INPP5A: variants seen among roughly 807,000 people sequenced by gnomAD.
INPP5A encodes 43 kDa inositol polyphosphate 5-phophatase.
A neutral mutation model predicts 65.2 loss-of-function variants in INPP5A; 14 were observed. The ratio of observed to expected loss-of-function variants is 0.21; its 90% confidence interval spans 0.14 to 0.34. The LOEUF (loss-of-function observed/expected upper bound fraction) is 0.34, where lower values mean the gene tolerates loss of function less well. INPP5A is among the 10% of genes least tolerant of loss of function. The probability of loss-of-function intolerance (pLI) is 1.00; values close to 1 mark genes in which losing one functional copy is unlikely to be tolerated. For synonymous variants in INPP5A, 207 were observed against 208.3 expected (o/e 0.99, Z 0.05); for missense variants, 431 against 545.6 (o/e 0.79, Z 2.09).
intron 8 of INPP5A, among the ~76,000 whole-genome samples, chr10:132,713,793 C>T (rs1448137651): frequency 1.3e-5 from 2 of 152,168 alleles, no homozygotes; most frequent in Admixed American, 6.5e-5. Flanking sequence ...GCACTGACAC[C>T]GAGGCAGGGA....
chr10:132,781,830 G>C (rs752717945), intron 14 of INPP5A, 31 bp from the exon 15 acceptor site: 1 of 1,594,564 alleles, frequency 6.3e-7, no homozygotes, highest in South Asian at 1.1e-5. Context: ...CGCGTGCGCC[G>C]TGCTGACACC....
At chr10:132,763,546 T>C (rs190569618) in intron 11 of INPP5A, among the ~76,000 whole-genome samples, 85 of 151,376 alleles carry the variant, frequency 5.6e-4, no homozygotes, top group African/African-American at 1.7e-3. Context: ...CACACACACA[T>C]AAACATGTGC....
intron 4 of INPP5A, among the ~76,000 whole-genome samples, chr10:132,655,127 G>A (rs1231605206): frequency 2.0e-5 from 3 of 152,328 alleles, no homozygotes; most frequent in East Asian, 3.9e-4. Flanking sequence ...CGAGCTCTGC[G>A]CCCGCATGGA....
intron 8 of INPP5A, among the ~76,000 whole-genome samples, chr10:132,713,954 A>G (rs2134542110): frequency 6.6e-6 from 1 of 152,236 alleles, no homozygotes; most frequent in Non-Finnish European, 1.5e-5. Context: ...TCAGTCGCCC[A>G]GGGAGAAGGG....
rs1430517857 is a variant in INPP5A, at chr10:132,783,261, G to A, written c.*1232G>A. 6.6e-6 allele frequency: 1 copy of A among 152,298 alleles called. No homozygotes were observed. Among genetic ancestry groups the A allele is most frequent in the African/African-American group, 2.4e-5 (1 of 41,420 alleles). 9.4% of individuals were successfully genotyped at this position (152,298 alleles called of 1,614,324 possible). On this transcript the variant is annotated 3_prime_UTR_variant, in exon 16 of 16. Transcript: ENST00000368594. Reference sequence around the variant, plus strand: ...CCTGGACCGGGTGAAGGCATTAGCTGGGTGTTTGTGTGGGATAAATACTAC... The same window carrying A: ...CCTGGACCGGGTGAAGGCATTAGCTAGGTGTTTGTGTGGGATAAATACTAC...
rs1277394085 is a variant in INPP5A, at chr10:132,637,675, T to A, written c.118-8193T>A. Among the ~76,000 whole-genome samples the A allele has an allele frequency of 6.6e-6, 1 of 152,234 alleles. No individual in the cohort carries two copies. The highest frequency in any genetic ancestry group is 1.9e-4 in the East Asian group (1 of 5,198). ...GTCCTCCTCTGTCATGACTGTTCTG[T>A]GCTTTGCCTTTGCCGCCCCCGAGGT... On this transcript the variant is annotated intron_variant, in intron 2 of 15. Coordinates refer to ENST00000368594, the MANE Select transcript of INPP5A (RefSeq NM_005539.5). This position sits in a 1 kb window ranked among gnomAD's most constrained non-coding sequence, Gnocchi z 4.1.
At chr10:132,562,761 G>A (rs1425076748) in intron 1 of INPP5A, among the ~76,000 whole-genome samples, 4 of 152,238 alleles carry the variant, frequency 2.6e-5, no homozygotes, top group African/African-American at 9.6e-5. Flanking sequence ...GTCACCCCAC[G>A]CCCAGGACCA....
chr10:132,781,725 G>A, intron 14 of INPP5A, 136 bp from the exon 15 acceptor site: 2 of 735,018 alleles, frequency 2.7e-6, no homozygotes, highest in South Asian at 1.6e-5. Context: ...TGCCTCTGCT[G>A]GCCATCAGCT....
chr10:132,708,520 T>C (rs1353030988), intron 7 of INPP5A, 155 bp downstream of exon 7: 1 of 796,190 alleles, frequency 1.3e-6, no homozygotes, highest in Admixed American at 1.7e-5. Flanking sequence ...CTGACCCTTT[T>C]GGTTCACGGC....
chr10:132,584,281 C>G (rs1443231727), intron 1 of INPP5A, among the ~76,000 whole-genome samples: 1 of 152,180 alleles, frequency 6.6e-6, no homozygotes, highest in Non-Finnish European at 1.5e-5. Context: ...TGTCATCCCT[C>G]CTCTGTGTTT....
intron 9 of INPP5A, among the ~76,000 whole-genome samples, chr10:132,733,645 C>T (rs989350602): frequency 2.6e-5 from 4 of 152,176 alleles, no homozygotes; most frequent in Non-Finnish European, 4.4e-5. Flanking sequence ...CTGACTTGGA[C>T]CAAGGAATTG....
rs1203937253 is a variant in INPP5A at position 132,699,364 on chromosome 10, G to T, written c.474+1445G>T. ...TGTGGGAAGCGTGGGTGCTGGGGTG[G>T]GGGGGGGCTGGGCTGGGCAGGGCCA... On this transcript the variant is annotated intron_variant, in intron 6 of 15. Transcript: ENST00000368594. Among the ~76,000 whole-genome samples, 219 of 62,204 alleles carry T rather than the reference G, an allele frequency of 3.5e-3. 4 individuals carry two copies. Among genetic ancestry groups the T allele is most frequent in the Non-Finnish European group, 3.2e-3 (75 of 23,214 alleles). 40.8% of individuals were successfully genotyped at this position (62,204 alleles called of 152,430 possible).
chr10:132,657,236 G>A (rs1471833519), intron 4 of INPP5A, among the ~76,000 whole-genome samples: 2 of 152,218 alleles, frequency 1.3e-5, no homozygotes, highest in African/African-American at 4.8e-5. Flanking sequence ...TCACCAACCG[G>A]GGGCTTACCC....
At chr10:132,599,879 T>G (rs2071754386) in intron 1 of INPP5A, among the ~76,000 whole-genome samples, 1 of 152,226 alleles carries the variant, frequency 6.6e-6, no homozygotes, top group South Asian at 2.1e-4. Context: ...CAGCCCGAGC[T>G]GTATGTTGGC....
intron 11 of INPP5A, among the ~76,000 whole-genome samples, chr10:132,755,725 C>T (rs988770718): frequency 1.3e-5 from 2 of 151,986 alleles, no homozygotes; most frequent in African/African-American, 4.8e-5. Context: ...AAAGTTTAGG[C>T]AGACCCTAGC....
rs757890146 is a variant in INPP5A, at chr10:132,619,116, G to A, written c.117+11160G>A. Among the ~76,000 whole-genome samples, 7 of 152,132 alleles carry A rather than the reference G, an allele frequency of 4.6e-5. No individual in the cohort carries two copies. The South Asian group carries it at 8.3e-4, about 18-fold the overall frequency. On this transcript the variant is annotated intron_variant, in intron 2 of 15. Transcript: ENST00000368594. ...GACTCACCTCAGAAGTCCCATGTCT[G>A]ATGACTTCTCTGAGACAAGGCATGT...
intron 4 of INPP5A, among the ~76,000 whole-genome samples, chr10:132,670,256 C>T: frequency 9.3e-6 from 1 of 107,242 alleles, no homozygotes; most frequent in South Asian, 4.0e-4. Context: ...ACCCCCTGAC[C>T]CCACACCCCT....
rs905566816 is a variant in INPP5A at position 132,727,173 on chromosome 10, C to A, written c.732+268C>A. The A allele has an allele frequency of 6.1e-6, 2 of 328,892 alleles. No homozygotes were observed. Among genetic ancestry groups the A allele is most frequent in the Admixed American group, 4.5e-5 (1 of 22,162 alleles). The allele number at this position is 328,892 out of a possible 1,614,324, so 20.4% of individuals were successfully genotyped here. On this transcript the variant is annotated intron_variant, in intron 9 of 15. Transcript: ENST00000368594. The surrounding 1 kb of genome is among the most constrained non-coding windows in gnomAD (Gnocchi z 6.5). ...TTTGCCCTGTGGCTTCCGCCGTCGG[C>A]ACACAAGGAGCTGCTGGAGTGCCGT...
chr10:132,713,718 A>AT lies in INPP5A; in HGVS notation c.647+3262_647+3263insT, dbSNP rs1409055526. 1.5e-4 allele frequency among the ~76,000 whole-genome samples: 23 copies of AT among 152,280 alleles called. No homozygotes were observed. In the South Asian group the frequency reaches 4.8e-3, roughly 32 times the overall value. On this transcript the variant is annotated intron_variant, in intron 8 of 15. Coordinates refer to ENST00000368594, the MANE Select transcript of INPP5A (RefSeq NM_005539.5). ...TGGCCACACACTGAGGCCGGCCCTC[A>AT]GCCCTGTGCACGGCCACACCCTCTG... is the stretch of plus-strand genomic sequence containing the variant.
Sources: gnomAD v4.1 joint callset for allele counts (sites outside exome capture counted in the v4.1 genomes callset) on GRCh38, gnomAD v4.1.1 for gene constraint, Gnocchi (gnomAD v3.1) non-coding constraint, MANE v1.5 for transcripts, NCBI Gene and HGNC (gene_info 2026-07-23, HGNC 2026-07-21) for gene names.